The following PARN variants were observed in gnomAD, a reference collection of about 807,000 sequenced individuals.
PARN encodes poly(A)-specific ribonuclease PARN.
A neutral mutation model predicts 102.8 loss-of-function variants in PARN; 71 were observed. The observed-to-expected ratio is 0.69, with a 90% confidence interval of 0.57 to 0.84. The LOEUF is 0.84. Among genes scored for constraint, PARN ranks in the 40% least tolerant of loss-of-function variants. The probability of loss-of-function intolerance (pLI) is 0.00; values close to 1 mark genes in which losing one functional copy is unlikely to be tolerated. For missense variants in PARN, 782 were observed against 760.9 expected (o/e 1.03, Z -0.33); for synonymous variants, 261 against 252.9 (o/e 1.03, Z -0.30).
At chr16:14,479,186 A>ATG (rs1963242308) in intron 22 of PARN, among the ~76,000 whole-genome samples, 1 of 152,212 alleles carries the variant, frequency 6.6e-6, no homozygotes, top group Non-Finnish European at 1.5e-5. Context: ...TAGGAGGCCA[A>ATG]GGTAGGAGGT....
At chr16:14,581,906 A>G (rs1211219058) in intron 17 of PARN, among the ~76,000 whole-genome samples, 1 of 152,184 alleles carries the variant, frequency 6.6e-6, no homozygotes, top group African/African-American at 2.4e-5. Context: ...CCTGACTCTT[A>G]AAAAAGAGGC....
At chr16:14,438,399 A>G (rs1960800555) in intron 23 of PARN, among the ~76,000 whole-genome samples, 1 of 145,954 alleles carries the variant, frequency 6.9e-6, no homozygotes, top group African/African-American at 2.5e-5. Flanking sequence ...CTGCACTGCA[A>G]TACTTGTAAT....
At chr16:14,558,106 C>T (rs1967814352) in intron 18 of PARN, among the ~76,000 whole-genome samples, 1 of 152,156 alleles carries the variant, frequency 6.6e-6, no homozygotes. Context: ...GTCTCCAATT[C>T]TAAACACCAA....
At chr16:14,609,454 C>T (rs1300605183) in intron 7 of PARN, among the ~76,000 whole-genome samples, 1 of 151,866 alleles carries the variant, frequency 6.6e-6, no homozygotes, top group Non-Finnish European at 1.5e-5. Flanking sequence ...AACTGTGGTC[C>T]CAGCTACTCC....
chr16:14,450,818 G>T (rs760647992), intron 22 of PARN, among the ~76,000 whole-genome samples: 1 of 151,974 alleles, frequency 6.6e-6, no homozygotes, highest in Non-Finnish European at 1.5e-5. Flanking sequence ...AGGGAAATAG[G>T]AACTAGCTTG....
chr16:14,543,922 C>T (rs143365851), intron 21 of PARN, among the ~76,000 whole-genome samples: 3,754 of 152,246 alleles, frequency 0.025, 65 homozygotes, highest in Non-Finnish European at 0.038. Context: ...CGGCTGGGCA[C>T]GGTGGCTCAC....
At chr16:14,439,491 T>C (rs1960857287) in intron 23 of PARN, among the ~76,000 whole-genome samples, 1 of 152,174 alleles carries the variant, frequency 6.6e-6, no homozygotes, top group Non-Finnish European at 1.5e-5. Flanking sequence ...ACAGTGGACC[T>C]TAATCCATAG....
chr16:14,481,917 C>A (rs1373511327), intron 22 of PARN, among the ~76,000 whole-genome samples: 2 of 152,272 alleles, frequency 1.3e-5, no homozygotes, highest in East Asian at 3.9e-4. Flanking sequence ...GTCAAGCATT[C>A]TTTCTACAGT....
intron 21 of PARN, among the ~76,000 whole-genome samples, chr16:14,492,500 G>C (rs1381539916): frequency 2.0e-5 from 3 of 152,168 alleles, no homozygotes; most frequent in East Asian, 3.9e-4. Context: ...ACGAGGCAGA[G>C]AGAAAGTTCC....
intron 21 of PARN, among the ~76,000 whole-genome samples, chr16:14,531,006 T>C (rs1201686715): frequency 6.6e-6 from 1 of 151,358 alleles, no homozygotes; most frequent in African/African-American, 2.4e-5. Context: ...CATCCATCCA[T>C]CCCCCACCTT....
At chr16:14,537,834 G>GA (rs1567360867) in intron 21 of PARN, among the ~76,000 whole-genome samples, 1 of 152,156 alleles carries the variant, frequency 6.6e-6, no homozygotes, top group Non-Finnish European at 1.5e-5. Flanking sequence ...ATTACAGTGA[G>GA]ATAAGAGGAA....
At chr16:14,526,340 C>T (rs1019451153) in intron 21 of PARN, among the ~76,000 whole-genome samples, 1 of 151,804 alleles carries the variant, frequency 6.6e-6, no homozygotes, top group African/African-American at 2.4e-5. Flanking sequence ...CCACGCCTGG[C>T]TAATTTTTTT....
rs944731425 is a variant in PARN, at chr16:14,436,585, C to G, written c.*132G>C. 3 of 653,582 alleles carry G rather than the reference C, an allele frequency of 4.6e-6. No homozygotes were observed. The allele number at this position is 653,582 out of a possible 1,614,324, so 40.5% of individuals were successfully genotyped here. ...AAAATAAAACCTGTTTTCTCCCCCC[C>G]AGGAGACAACTTGGTTTCCAACCCC... On this transcript the variant is annotated 3_prime_UTR_variant, in exon 24 of 24. Transcript: ENST00000437198.
intron 12 of PARN, among the ~76,000 whole-genome samples, chr16:14,595,946 G>A (rs1050028629): frequency 6.6e-6 from 1 of 152,158 alleles, no homozygotes; most frequent in African/African-American, 2.4e-5. Flanking sequence ...TTACAGGGTT[G>A]AGCCACCATG....
intron 13 of PARN, among the ~76,000 whole-genome samples, chr16:14,587,389 G>A (rs1969925510): frequency 1.3e-5 from 2 of 152,224 alleles, no homozygotes; most frequent in African/African-American, 4.8e-5. Flanking sequence ...AAAAGGTCAT[G>A]CTCAAGTATC....
chr16:14,559,409 G>C (rs1358119795), intron 18 of PARN, among the ~76,000 whole-genome samples: 2 of 142,962 alleles, frequency 1.4e-5, no homozygotes, highest in African/African-American at 2.6e-5. Context: ...CAAAAGATTT[G>C]TTTTTTTTTT....
chr16:14,476,566 G>A (rs180981193), intron 22 of PARN, among the ~76,000 whole-genome samples: 25 of 152,282 alleles, frequency 1.6e-4, no homozygotes, highest in Admixed American at 1.6e-3. Flanking sequence ...ACAGTGGCTC[G>A]TGCCTGTAAG....
At chr16:14,463,098 C>T (rs1162326598) in intron 22 of PARN, among the ~76,000 whole-genome samples, 1 of 152,198 alleles carries the variant, frequency 6.6e-6, no homozygotes, top group African/African-American at 2.4e-5. Flanking sequence ...ATGGTGCTCA[C>T]ACAGGGCTGA....
chr16:14,617,201 G>A (rs530200267), intron 6 of PARN, among the ~76,000 whole-genome samples: 7 of 151,330 alleles, frequency 4.6e-5, no homozygotes, highest in Non-Finnish European at 7.4e-5. Context: ...TGGCTAACAC[G>A]GTGAAACCCT....
Sources: allele counts gnomAD v4.1 joint callset (sites outside exome capture counted in the v4.1 genomes callset), GRCh38; gene constraint gnomAD v4.1.1; transcripts MANE v1.5; gene names NCBI Gene and HGNC (gene_info 2026-07-23, HGNC 2026-07-21).